CSMD3: variants seen among roughly 807,000 people sequenced by gnomAD.
CSMD3 encodes the protein CUB and sushi domain-containing protein 3.
A neutral mutation model predicts 435.2 loss-of-function variants in CSMD3; 177 were observed. The observed-to-expected ratio is 0.41, with a 90% confidence interval of 0.36 to 0.46. The LOEUF is 0.46. Among genes scored for constraint, CSMD3 ranks in the 20% least tolerant of loss-of-function variants. The pLI, the probability that CSMD3 is intolerant of heterozygous loss-of-function variation, is 0.34. For missense variants in CSMD3, 4,265 were observed against 4,504.6 expected, an observed-to-expected ratio of 0.95 and a Z score of 1.52; for synonymous variants, 1,656 against 1,520.5, an observed-to-expected ratio of 1.09 and a Z score of -2.07.
chr8:112,870,194 A>G (rs1244065907), intron 10 of CSMD3, among the ~76,000 whole-genome samples: 3 of 151,994 alleles, frequency 2.0e-5, no homozygotes, highest in African/African-American at 7.2e-5. Flanking sequence ...TGAAAAAAAA[A>G]ACTCAACATC....
At chr8:113,030,417 T>TA (rs35890606) in intron 5 of CSMD3, among the ~76,000 whole-genome samples, 1,451 of 24,280 alleles carry the variant, frequency 0.06, 67 homozygotes, top group South Asian at 0.081. Flanking sequence ...TTGGTACTGG[T>TA]AAAAAAAAAA....
intron 9 of CSMD3, among the ~76,000 whole-genome samples, chr8:112,930,969 T>C (rs2083088137): frequency 1.3e-5 from 2 of 152,118 alleles, no homozygotes; most frequent in African/African-American, 4.8e-5. Context: ...TATTGCCATA[T>C]TAAGCCTATA....
intron 27 of CSMD3, among the ~76,000 whole-genome samples, chr8:112,549,627 A>C (rs2131182657): frequency 6.6e-6 from 1 of 152,100 alleles, no homozygotes; most frequent in Admixed American, 6.6e-5. Flanking sequence ...TGTATTATTT[A>C]TTTTCAAGAC....
intron 22 of CSMD3, among the ~76,000 whole-genome samples, chr8:112,628,190 T>C (rs1352391677): frequency 6.6e-6 from 1 of 152,152 alleles, no homozygotes; most frequent in Non-Finnish European, 1.5e-5. Flanking sequence ...TTTAACTCAT[T>C]GAAAAAGTTT....
At chr8:113,315,016 T>G (rs1169614650) in intron 1 of CSMD3, among the ~76,000 whole-genome samples, 1 of 152,142 alleles carries the variant, frequency 6.6e-6, no homozygotes, top group Non-Finnish European at 1.5e-5. Flanking sequence ...AGGTAAATAA[T>G]TATAAAGCAG....
chr8:113,368,732 G>A (rs1183125924), intron 1 of CSMD3, among the ~76,000 whole-genome samples: 2 of 152,016 alleles, frequency 1.3e-5, no homozygotes, highest in Admixed American at 6.6e-5. Context: ...TATGAAGACC[G>A]ATTCTGTGTC....
intron 1 of CSMD3, among the ~76,000 whole-genome samples, chr8:113,379,206 A>G (rs2094403998): frequency 6.6e-6 from 1 of 152,180 alleles, no homozygotes. Flanking sequence ...TTGGGTAAAC[A>G]AACCATGCTA....
At chr8:113,226,743 T>C (rs1367631868) in intron 3 of CSMD3, among the ~76,000 whole-genome samples, 1 of 151,624 alleles carries the variant, frequency 6.6e-6, no homozygotes, top group Non-Finnish European at 1.5e-5. Context: ...CTTAAAACTC[T>C]TTTCCTGCCC....
intron 22 of CSMD3, among the ~76,000 whole-genome samples, chr8:112,619,348 G>A (rs537659073): frequency 2.4e-3 from 357 of 151,720 alleles, no homozygotes; most frequent in African/African-American, 8.2e-3. Flanking sequence ...ACCTTGACAG[G>A]ATTTAAGCTC....
chr8:112,251,619 G>A (rs535753472), intron 63 of CSMD3, among the ~76,000 whole-genome samples: 1 of 151,664 alleles, frequency 6.6e-6, no homozygotes, highest in African/African-American at 2.4e-5. Flanking sequence ...ATTACAAACT[G>A]AAAATCATAT....
intron 58 of CSMD3, 40 bp from the exon 59 acceptor site, chr8:112,281,390 A>T (rs1818623044): frequency 1.3e-6 from 2 of 1,544,372 alleles, no homozygotes; most frequent in African/African-American, 1.4e-5. Context: ...TAAAAAATGC[A>T]ATCAGAAATT....
chr8:112,783,847 AAAG>A (rs1412182683), intron 13 of CSMD3, among the ~76,000 whole-genome samples: 1 of 151,984 alleles, frequency 6.6e-6, no homozygotes, highest in Non-Finnish European at 1.5e-5. Context: ...AAAAAGAGAC[AAAG>A]AAGGTCAATA....
At chr8:112,596,905 G>A (rs1220451084) in intron 22 of CSMD3, among the ~76,000 whole-genome samples, 1 of 151,266 alleles carries the variant, frequency 6.6e-6, no homozygotes, top group Non-Finnish European at 1.5e-5. Flanking sequence ...ATGCCCACAA[G>A]AGAAAGCAGG....
chr8:112,915,451 C>T lies in CSMD3; in HGVS notation c.1633+6176G>A, dbSNP rs138070712. On this transcript the variant is annotated intron_variant, in intron 10 of 70. Transcript: ENST00000297405. ...TCTCTCCCAAAATTTAGAATTGTTACTAATACATTTTAAGAATTAAAATAT... is the reference window on the plus strand; with the variant it reads ...TCTCTCCCAAAATTTAGAATTGTTATTAATACATTTTAAGAATTAAAATAT... Among the ~76,000 whole-genome samples the T allele has an allele frequency of 6.7e-4, 101 of 151,738 alleles. No homozygotes were observed. The East Asian group carries it at 8.4e-3, about 13-fold the overall frequency.
chr8:113,081,564 T>G (rs1264613963), intron 5 of CSMD3, among the ~76,000 whole-genome samples: 1 of 152,150 alleles, frequency 6.6e-6, no homozygotes, highest in Non-Finnish European at 1.5e-5. Context: ...CTCTTGTGAC[T>G]GCGTTGTTCC....
chr8:112,343,001 T>TATTTATATATATATA (rs1554647587), intron 41 of CSMD3, among the ~76,000 whole-genome samples: 1 of 109,678 alleles, frequency 9.1e-6, no homozygotes, highest in Non-Finnish European at 1.9e-5. Context: ...ATATATATAT[T>TATTTATATATATATA]TATATATATA....
In CSMD3 at chr8:113,153,117, GAA is replaced by G. The variant is rs1564370893; in HGVS notation, c.709+20603_709+20604del. Among the ~76,000 whole-genome samples, 234 of 93,532 alleles carry G rather than the reference GAA, an allele frequency of 2.5e-3. 2 individuals are homozygous for G. The highest frequency in any genetic ancestry group is 7.5e-3 in the East Asian group (24 of 3,192). 61.4% of individuals were successfully genotyped at this position (93,532 alleles called of 152,430 possible). On this transcript the variant is annotated intron_variant, in intron 4 of 70. Coordinates refer to ENST00000297405, the MANE Select transcript of CSMD3 (RefSeq NM_198123.2). Reference sequence around the variant, plus strand: ...GAAAGAAAGAAAAGAAAGAAAGAAAGAAAGAAAGAGAAAGAAGGAAGGAAGGA... The same window carrying G: ...GAAAGAAAGAAAAGAAAGAAAGAAAGAGAAAGAGAAAGAAGGAAGGAAGGA...
chr8:113,071,385 A>T (rs761832114), intron 5 of CSMD3, among the ~76,000 whole-genome samples: 1 of 151,944 alleles, frequency 6.6e-6, no homozygotes, highest in Non-Finnish European at 1.5e-5. Flanking sequence ...TAGCCAAAAA[A>T]ATCATTGCAC....
chr8:113,045,770 C>T (rs958714280), intron 5 of CSMD3, among the ~76,000 whole-genome samples: 1 of 149,308 alleles, frequency 6.7e-6, no homozygotes. Context: ...TGTGCCTCAC[C>T]AGCACGAAAC....
Sources: allele counts gnomAD v4.1 joint callset (sites outside exome capture counted in the v4.1 genomes callset), GRCh38; gene constraint gnomAD v4.1.1; transcripts MANE v1.5; gene names NCBI Gene and HGNC (gene_info 2026-07-23, HGNC 2026-07-21).